The following OSBPL1A variants were observed in gnomAD, a reference collection of about 807,000 sequenced individuals.
OSBPL1A encodes the protein oxysterol-binding protein-related protein 1.
OSBPL1A carries 80 observed loss-of-function variants against 137.1 expected under a neutral mutation model. That is an observed-to-expected ratio of 0.58 (90% CI 0.49 to 0.70). The LOEUF is 0.70. Ranked by LOEUF, OSBPL1A falls within the 30% of genes least tolerant of loss-of-function variation. The pLI is 0.00. For synonymous variants in OSBPL1A, 365 were observed against 389.7 expected (o/e 0.94, Z 0.75); for missense variants, 970 against 1,129.4 (o/e 0.86, Z 2.02).
chr18:24,361,902 C>T (rs1416958697), intron 4 of OSBPL1A, among the ~76,000 whole-genome samples: 2 of 147,472 alleles, frequency 1.4e-5, no homozygotes, highest in African/African-American at 5.0e-5. Context: ...GAGGCTGAGG[C>T]AGGAGAATCA....
intron 7 of OSBPL1A, among the ~76,000 whole-genome samples, chr18:24,324,653 G>A (rs558775825): frequency 1.4e-5 from 2 of 142,826 alleles, no homozygotes; most frequent in South Asian, 2.3e-4. Context: ...GTGCGGTGGC[G>A]CATGCCTGTA....
At chr18:24,374,651 T>C (rs1189692729) in intron 2 of OSBPL1A, among the ~76,000 whole-genome samples, 2 of 152,062 alleles carry the variant, frequency 1.3e-5, no homozygotes, top group African/African-American at 4.8e-5. Context: ...CATGCCACTC[T>C]CCCAAGAAGG....
intron 15 of OSBPL1A, among the ~76,000 whole-genome samples, chr18:24,248,922 T>C (rs2088986046): frequency 6.6e-6 from 1 of 152,222 alleles, no homozygotes; most frequent in South Asian, 2.1e-4. Flanking sequence ...ATTTAACAAA[T>C]ACGTTTTAGT....
intron 5 of OSBPL1A, among the ~76,000 whole-genome samples, chr18:24,340,846 C>T (rs557166755): frequency 1.3e-5 from 2 of 152,328 alleles, no homozygotes; most frequent in South Asian, 2.1e-4. Context: ...ACACCTCTTA[C>T]AGGTTGCACT....
At position 24,368,358 on chromosome 18, in the gene OSBPL1A, T is replaced by C. The variant is rs1905334693; in HGVS notation, c.136A>G (p.Asn46Asp). Residue 46 changes from asparagine (N) to aspartate (D), a missense_variant, in exon 3 of 28, where the codon AAC (asparagine) becomes GAC (aspartate). This residue lies in a region of OSBPL1A where 647 missense variants were observed against 672.6 expected (regional missense o/e 0.96). Coordinates refer to ENST00000319481, the MANE Select transcript of OSBPL1A (RefSeq NM_080597.4). ...DINCKGRSKSNLGWTPLHLAC... is the reference protein window; with the variant it reads ...DINCKGRSKSDLGWTPLHLAC... Reference sequence around the variant, plus strand: ...AGATGTAGAGGTGTCCAGCCCAAGTTAGACTTACTTCTTCCTAAAAATGGA... The same window carrying C: ...AGATGTAGAGGTGTCCAGCCCAAGTCAGACTTACTTCTTCCTAAAAATGGA... 2 of 1,612,926 alleles carry C rather than the reference T, an allele frequency of 1.2e-6. No individual in the cohort carries two copies. The highest frequency in any genetic ancestry group is 1.7e-5 in the Admixed American group (1 of 59,986).
At chr18:24,389,057 C>A (rs1907142971) in intron 1 of OSBPL1A, among the ~76,000 whole-genome samples, 1 of 151,974 alleles carries the variant, frequency 6.6e-6, no homozygotes, top group South Asian at 2.1e-4. Flanking sequence ...GAGCTTATTC[C>A]AGAAAAGCGC....
intron 14 of OSBPL1A, among the ~76,000 whole-genome samples, chr18:24,284,287 G>A (rs1251176588): frequency 1.3e-5 from 2 of 152,000 alleles, no homozygotes; most frequent in African/African-American, 4.8e-5. Flanking sequence ...CTGCAAATAC[G>A]TTTTAGCTGG....
intron 5 of OSBPL1A, among the ~76,000 whole-genome samples, chr18:24,338,452 CCT>C (rs1164341160): frequency 6.6e-6 from 1 of 152,046 alleles, no homozygotes; most frequent in African/African-American, 2.4e-5. Flanking sequence ...AATAGTCTAT[CCT>C]TTGCTGAATA....
chr18:24,177,403 A>G (rs1442889894), intron 21 of OSBPL1A, among the ~76,000 whole-genome samples: 1 of 151,858 alleles, frequency 6.6e-6, no homozygotes, highest in African/African-American at 2.4e-5. Flanking sequence ...AAACCAGTAA[A>G]CTCACTGCCA....
intron 8 of OSBPL1A, 34 bp from the exon 9 acceptor site, chr18:24,318,679 T>C: frequency 6.2e-7 from 1 of 1,606,108 alleles, no homozygotes; most frequent in South Asian, 1.1e-5. Flanking sequence ...AAAATGCATC[T>C]ACATATTTCA....
At chr18:24,227,529 C>CAAT (rs1226221118) in intron 16 of OSBPL1A, among the ~76,000 whole-genome samples, 1 of 152,080 alleles carries the variant, frequency 6.6e-6, no homozygotes, top group Non-Finnish European at 1.5e-5. Flanking sequence ...AACATGGGAG[C>CAAT]AATACAATGA....
chr18:24,225,894 G>A (rs1010894199), intron 16 of OSBPL1A, among the ~76,000 whole-genome samples: 1 of 152,126 alleles, frequency 6.6e-6, no homozygotes, highest in African/African-American at 2.4e-5. Flanking sequence ...ATCACTTGAG[G>A]ACAGGAGTTG....
At chr18:24,272,426 T>C (rs1426600727) in intron 15 of OSBPL1A, among the ~76,000 whole-genome samples, 3 of 152,026 alleles carry the variant, frequency 2.0e-5, no homozygotes, top group South Asian at 2.1e-4. Flanking sequence ...TATACCCTAG[T>C]TGGGACACTG....
chr18:24,179,097 C>T (rs924063387), intron 20 of OSBPL1A: 1 of 152,206 alleles, frequency 6.6e-6, no homozygotes, highest in African/African-American at 2.4e-5. Context: ...GCAAGCCCAC[C>T]ACTGACCAGC....
intron 2 of OSBPL1A, among the ~76,000 whole-genome samples, chr18:24,373,456 T>G (rs1375714487): frequency 6.6e-6 from 1 of 152,216 alleles, no homozygotes; most frequent in Non-Finnish European, 1.5e-5. Flanking sequence ...TTATTTTATT[T>G]GCAAGAATGA....
rs761262891 is a variant in OSBPL1A at position 24,225,115 on chromosome 18, T to C, written c.1528A>G (p.Arg510Gly). Residue 510 changes from arginine to glycine, a missense_variant, in exon 17 of 28, where the codon AGA (arginine) becomes GGA (glycine). Physicochemically the swap from Arg to Gly is moderately radical, Grantham distance 125. Transcript: ENST00000319481. Reference protein sequence around the residue: ...FEEEGEHLGSRKHRMSEEKDC... With the variant: ...FEEEGEHLGSGKHRMSEEKDC... ...TTTTCTTCGGACATTCTGTGTTTTCTACTGCCCAAATGCTCTCCTTCCTCT... is the reference window on the plus strand; with the variant it reads ...TTTTCTTCGGACATTCTGTGTTTTCCACTGCCCAAATGCTCTCCTTCCTCT... 1.2e-6 allele frequency: 2 copies of C among 1,614,214 alleles called. No homozygotes were observed. Among genetic ancestry groups the C allele is most frequent in the Admixed American group, 3.3e-5 (2 of 60,022 alleles).
At chr18:24,268,779 C>T (rs140091215) in intron 15 of OSBPL1A, among the ~76,000 whole-genome samples, 3 of 152,220 alleles carry the variant, frequency 2.0e-5, no homozygotes, top group South Asian at 2.1e-4. Context: ...CTTGTTCAAG[C>T]GTCTTCTCCT....
At position 24,271,968 on chromosome 18, in the gene OSBPL1A, C is replaced by A. The variant is rs1019174850; in HGVS notation, c.1281+8874G>T. Reference sequence around the variant, plus strand: ...GGCCGCAGACCCGCCCTCCGGGGCTCGCGGGGAGAGCGCGGGCGGGCGGCG... The same window carrying A: ...GGCCGCAGACCCGCCCTCCGGGGCTAGCGGGGAGAGCGCGGGCGGGCGGCG... On this transcript the variant is annotated intron_variant, in intron 15 of 27. Coordinates refer to ENST00000319481, the MANE Select transcript of OSBPL1A (RefSeq NM_080597.4). This position sits in a 1 kb window ranked among gnomAD's most constrained non-coding sequence, Gnocchi z 4.0. 1.1e-4 allele frequency: 111 copies of A among 982,044 alleles called. No homozygotes were observed. In the African/African-American group the frequency reaches 1.9e-3, roughly 17 times the overall value. The allele number at this position is 982,044 out of a possible 1,614,324, so 60.8% of individuals were successfully genotyped here. A position where few individuals can be genotyped will look rare whatever the true frequency, so the allele number is the denominator to read the frequency against.
chr18:24,389,789 A>C (rs1411739320), intron 1 of OSBPL1A, among the ~76,000 whole-genome samples: 2 of 151,940 alleles, frequency 1.3e-5, no homozygotes, highest in Non-Finnish European at 2.9e-5. Context: ...AAAAAATACA[A>C]AACTTAGCCA....
Sources: gnomAD v4.1 joint callset for allele counts (sites outside exome capture counted in the v4.1 genomes callset) on GRCh38, gnomAD v4.1.1 for gene constraint, gnomAD v4.1.1 regional missense constraint, Gnocchi (gnomAD v3.1) non-coding constraint, MANE v1.5 for transcripts, NCBI Gene and HGNC (gene_info 2026-07-23, HGNC 2026-07-21) for gene names.